TKTL2: variants seen among roughly 807,000 people sequenced by gnomAD.
TKTL2 encodes the protein transketolase like 2, also known as transketolase-like protein 2.
For missense variants in TKTL2, 825 were observed against 799.4 expected (o/e 1.03, Z -0.39); for synonymous variants, 259 against 294.1 (o/e 0.88, Z 1.22).
chr4:163,473,572 GGAA>G lies in TKTL2; in HGVS notation c.160_162del (p.Phe54del). On this transcript the variant is annotated inframe_deletion, in exon 1 of 1. Transcript: ENST00000280605. Reference sequence around the variant, plus strand: ...TCTGTCTGTTTATACTTCATCGTGTGGAAGAAGAGGACAGACACGACCTCCGCT... The same window carrying G: ...TCTGTCTGTTTATACTTCATCGTGTGGAAGAGGACAGACACGACCTCCGCT... The G allele has an allele frequency of 1.2e-6, 2 of 1,614,118 alleles. No individual in the cohort carries two copies. Among genetic ancestry groups the G allele is most frequent in the Non-Finnish European group, 8.5e-7 (1 of 1,180,012 alleles).
chr4:163,473,529 T>A lies in TKTL2; in HGVS notation c.206A>T (p.Asn69Ile), dbSNP rs1043541526. The A allele has an allele frequency of 6.2e-7, 1 of 1,612,872 alleles. No homozygotes were observed. The highest frequency in any genetic ancestry group is 1.3e-5 in the African/African-American group (1 of 74,872). ...YKQTDPEHPD[N>I]DRFILSRGHA... The stretch of plus-strand genomic sequence containing the variant: ...TCCCCTGGAGAGGATGAACCGGTCG[T>A]TGTCCGGGTGTTCTGGGTCTGTCTG... Residue 69 changes from asparagine (N) to isoleucine (I), a missense_variant, in exon 1 of 1, where the codon AAC (asparagine) becomes ATC (isoleucine). Physicochemically the swap from Asn to Ile is moderately radical, Grantham distance 149. Transcript: ENST00000280605.
At position 163,472,619 on chromosome 4, in the gene TKTL2, G is replaced by C. The variant is rs1737189738; in HGVS notation, c.1116C>G (p.Asn372Lys). Reference sequence around the variant, plus strand: ...CACAGCCTAGTGCCACACTTACCATGTTTTGTTCAGCAATAATACACTCTA... The same window carrying C: ...CACAGCCTAGTGCCACACTTACCATCTTTTGTTCAGCAATAATACACTCTA... ...RFIECIIAEQ[N>K]MVSVALGCAT... The change falls in exon 1 of 1, where the codon AAC becomes AAG. Residue 372 changes from asparagine (N) to lysine (K), a missense_variant. Coordinates refer to ENST00000280605, the MANE Select transcript of TKTL2 (RefSeq NM_032136.5). The C allele has an allele frequency of 6.2e-7, 1 of 1,614,100 alleles. No homozygotes were observed. Among genetic ancestry groups the C allele is most frequent in the Non-Finnish European group, 8.5e-7 (1 of 1,180,052 alleles).
rs1737190163 is a variant in TKTL2, at chr4:163,472,635, A to G, written c.1100T>C (p.Ile367Thr). Reference sequence around the variant, plus strand: ...ACTTACCATGTTTTGTTCAGCAATAATACACTCTATGAAACGCTCAGGGTG... The same window carrying G: ...ACTTACCATGTTTTGTTCAGCAATAGTACACTCTATGAAACGCTCAGGGTG... ...KEHPERFIEC[I>T]IAEQNMVSVA... The change falls in exon 1 of 1, where the codon ATT becomes ACT. Residue 367 changes from isoleucine to threonine, a missense_variant. Coordinates refer to ENST00000280605, the MANE Select transcript of TKTL2 (RefSeq NM_032136.5). 3.1e-6 allele frequency: 5 copies of G among 1,614,086 alleles called. No homozygotes were observed. The South Asian group carries it at 5.5e-5, about 18-fold the overall frequency.
rs1690740914 is a variant in TKTL2 at position 163,472,686 on chromosome 4, G to A, written c.1049C>T (p.Thr350Ile). ...TTCTTTCCTGAATATCTCAGAAAAG[G>A]TGGAGTTCATCGTGTCACCACTCAG... The part of the protein sequence containing the change: ...IVLSGDTMNS[T>I]FSEIFRKEHP... The change falls in exon 1 of 1, where the codon ACC (threonine) becomes ATC (isoleucine). Residue 350 changes from threonine (T) to isoleucine (I), a missense_variant. Transcript: ENST00000280605. 4 of 1,613,984 alleles carry A rather than the reference G, an allele frequency of 2.5e-6. No individual in the cohort carries two copies. The highest frequency in any genetic ancestry group is 3.4e-6 in the Non-Finnish European group (4 of 1,180,002).
Position 163,472,107 on chromosome 4 carries a change from G to C in TKTL2, c.1628C>G (p.Pro543Arg). ...GGAGATGATGGTGGCGGCATCCAGGGGTTTAATGGTAAATGGGTCGATGAC... is the reference window on the plus strand; with the variant it reads ...GGAGATGATGGTGGCGGCATCCAGGCGTTTAATGGTAAATGGGTCGATGAC... ...VRVIDPFTIK[P>R]LDAATIISSA... Residue 543 changes from proline (P) to arginine (R), a missense_variant, in exon 1 of 1, where the codon CCC (proline) becomes CGC (arginine). Coordinates refer to ENST00000280605, the MANE Select transcript of TKTL2 (RefSeq NM_032136.5). 1 of 1,614,140 alleles carries C rather than the reference G, an allele frequency of 6.2e-7. No homozygotes were observed. The highest frequency in any genetic ancestry group is 1.3e-5 in the African/African-American group (1 of 75,022).
At position 163,472,090 on chromosome 4, in the gene TKTL2, TG is replaced by T. The variant is rs1393553443; in HGVS notation, c.1644del (p.Ile549SerfsTer69). The T allele has an allele frequency of 6.2e-7, 1 of 1,614,086 alleles. No individual in the cohort carries two copies. Among genetic ancestry groups the T allele is most frequent in the Non-Finnish European group, 8.5e-7 (1 of 1,180,050 alleles). On this transcript the variant is annotated frameshift_variant, in exon 1 of 1. Coordinates refer to ENST00000280605, the MANE Select transcript of TKTL2 (RefSeq NM_032136.5). LOFTEE classifies it low-confidence loss of function (END_TRUNC). The part of the protein sequence containing the change: ...PFTIKPLDAA[T>X]IISSAKATGG... ...CCTGTGGCTTTTGCACTGGAGATGA[TG>T]GTGGCGGCATCCAGGGGTTTAATGG...
Position 163,472,129 on chromosome 4 carries a change from T to C in TKTL2, c.1606A>G (p.Ile536Val). 1 of 1,614,216 alleles carries C rather than the reference T, an allele frequency of 6.2e-7. No homozygotes were observed. The highest frequency in any genetic ancestry group is 8.5e-7 in the Non-Finnish European group (1 of 1,180,044). The change falls in exon 1 of 1, where the codon ATC becomes GTC. Residue 536 changes from isoleucine (I) to valine (V), a missense_variant. By Grantham distance (29) the Ile-to-Val change is conservative (BLOSUM62 3). Transcript: ENST00000280605. ...LSQQGISVRV[I>V]DPFTIKPLDA... ...AGGGGTTTAATGGTAAATGGGTCGATGACACGGACAGAAATACCTTGTTGA... is the reference window on the plus strand; with the variant it reads ...AGGGGTTTAATGGTAAATGGGTCGACGACACGGACAGAAATACCTTGTTGA...
chr4:163,473,234 A>C lies in TKTL2; in HGVS notation c.501T>G (p.Ala167=), dbSNP rs568591332. ...GESSEGSVWE[A]FAFASHYNLD... ...AGTTGTAGTGGGAGGCAAAAGCAAAAGCCTCCCACACAGAGCCTTCTGAGG... is the reference window on the plus strand; with the variant it reads ...AGTTGTAGTGGGAGGCAAAAGCAAACGCCTCCCACACAGAGCCTTCTGAGG... The change falls in exon 1 of 1, where the codon GCT becomes GCG. Residue 167 remains alanine, a synonymous_variant. Transcript: ENST00000280605. 4.5e-5 allele frequency: 72 copies of C among 1,613,834 alleles called. 1 individual carries two copies. In the South Asian group the frequency reaches 6.9e-4, roughly 16 times the overall value.
Position 163,473,130 on chromosome 4 carries a change from A to G in TKTL2, c.605T>C (p.Ile202Thr). The G allele has an allele frequency of 1.9e-6, 3 of 1,614,020 alleles. No individual in the cohort carries two copies. Among genetic ancestry groups the G allele is most frequent in the Non-Finnish European group, 2.5e-6 (3 of 1,180,030 alleles). The change falls in exon 1 of 1, where the codon ATC becomes ACC. Residue 202 changes from isoleucine (I) to threonine (T), a missense_variant. By Grantham distance (89) the Ile-to-Thr change is moderately conservative. Coordinates refer to ENST00000280605, the MANE Select transcript of TKTL2 (RefSeq NM_032136.5). ...AAAGGCTTCACAGCAATTCTGGTAG[A>G]TGTCTGCGCCATGCTCAAGGGGTGC... Reference protein sequence around the residue: ...GPAPLEHGADIYQNCCEAFGW... With the variant: ...GPAPLEHGADTYQNCCEAFGW...
chr4:163,473,077 G>A lies in TKTL2; in HGVS notation c.658C>T (p.His220Tyr), dbSNP rs145897938. 1,693 of 1,614,090 alleles carry A rather than the reference G, an allele frequency of 1.0e-3. 25 individuals carry two copies. The South Asian group carries it at 0.017, about 16-fold the overall frequency. Residue 220 changes from histidine to tyrosine, a missense_variant, in exon 1 of 1, where the codon CAT becomes TAT. By Grantham distance (83) the His-to-Tyr change is moderately conservative (BLOSUM62 2). Transcript: ENST00000280605. ...FGWNTYLVDG[H>Y]DVEALCQAFW... is the part of the protein sequence containing the mutation. ...GCTTGGCACAAGGCCTCCACATCATGGCCATCCACTAAGTAAGTATTCCAT... is the reference window on the plus strand; with the variant it reads ...GCTTGGCACAAGGCCTCCACATCATAGCCATCCACTAAGTAAGTATTCCAT...
rs142937505 is a variant in TKTL2 at position 163,472,640 on chromosome 4, C to T, written c.1095G>A (p.Glu365=). 3 of 1,614,200 alleles carry T rather than the reference C, an allele frequency of 1.9e-6. No individual in the cohort carries two copies. In the South Asian group the frequency reaches 3.3e-5, roughly 18 times the overall value. The change falls in exon 1 of 1, where the codon GAG becomes GAA. Residue 365 remains glutamate (E), a synonymous_variant. Coordinates refer to ENST00000280605, the MANE Select transcript of TKTL2 (RefSeq NM_032136.5). ...CCATGTTTTGTTCAGCAATAATACA[C>T]TCTATGAAACGCTCAGGGTGTTCTT... The part of the protein sequence containing the change: ...FRKEHPERFI[E]CIIAEQNMVS...
Position 163,472,868 on chromosome 4 carries a change from T to G in TKTL2, c.867A>C (p.Ile289=). Residue 289 remains isoleucine (I), a synonymous_variant, in exon 1 of 1, where the codon ATA becomes ATC. Transcript: ENST00000280605. ...ESQIQTNENL[I]PKSPVEDSPQ... The stretch of plus-strand genomic sequence containing the variant: ...GTGAGTCTTCCACAGGCGATTTTGG[T>G]ATGAGATTCTCATTGGTCTGTATCT... 6.3e-7 allele frequency: 1 copy of G among 1,591,602 alleles called. No individual in the cohort carries two copies. The highest frequency in any genetic ancestry group is 8.5e-7 in the Non-Finnish European group (1 of 1,169,944).
rs1207044627 is a variant in TKTL2 at position 163,472,758 on chromosome 4, C to T, written c.977G>A (p.Gly326Asp). The T allele has an allele frequency of 1.3e-6, 2 of 1,587,264 alleles. No individual in the cohort carries two copies. Among genetic ancestry groups the T allele is most frequent in the Non-Finnish European group, 8.6e-7 (1 of 1,167,292 alleles). ...ACGGCCCAGTTTAGCCAGAGCCAAA[C>T]CATATGTTTTCTGAGTAGCTATCTT... ...GDKIATQKTY[G>D]LALAKLGRAN... Residue 326 changes from glycine (G) to aspartate (D), a missense_variant, in exon 1 of 1, where the codon GGT becomes GAT. Coordinates refer to ENST00000280605, the MANE Select transcript of TKTL2 (RefSeq NM_032136.5).
rs1453237453 is a variant in TKTL2, at chr4:163,473,017, TA to T, written c.717del (p.Thr240LeufsTer3). ...FWQASQVKNK[P>X]TAIVAKTFKG... ...TTGAAGGTCTTGGCAACTATAGCAG[TA>T]GGCTTGTTCTTCACTTGACTTGCTT... On this transcript the variant is annotated frameshift_variant, in exon 1 of 1. Coordinates refer to ENST00000280605, the MANE Select transcript of TKTL2 (RefSeq NM_032136.5). LOFTEE classifies it low-confidence loss of function (END_TRUNC). The T allele has an allele frequency of 6.2e-7, 1 of 1,614,072 alleles. No individual in the cohort carries two copies. The highest frequency in any genetic ancestry group is 8.5e-7 in the Non-Finnish European group (1 of 1,180,048).
chr4:163,472,127 G>A lies in TKTL2; in HGVS notation c.1608C>T (p.Ile536=), dbSNP rs1440013623. ...CCAGGGGTTTAATGGTAAATGGGTC[G>A]ATGACACGGACAGAAATACCTTGTT... ...LSQQGISVRV[I]DPFTIKPLDA... The change falls in exon 1 of 1, where the codon ATC becomes ATT. Residue 536 remains isoleucine, a synonymous_variant. Coordinates refer to ENST00000280605, the MANE Select transcript of TKTL2 (RefSeq NM_032136.5). The A allele has an allele frequency of 2.5e-6, 4 of 1,614,088 alleles. No homozygotes were observed. Among genetic ancestry groups the A allele is most frequent in the Admixed American group, 1.7e-5 (1 of 60,004 alleles).
Position 163,472,794 on chromosome 4 carries a change from T to C in TKTL2, c.941A>G (p.Lys314Arg). The C allele has an allele frequency of 6.4e-7, 1 of 1,568,704 alleles. No homozygotes were observed. The highest frequency in any genetic ancestry group is 2.2e-5 in the East Asian group (1 of 44,598). Residue 314 changes from lysine to arginine, a missense_variant, in exon 1 of 1, where the codon AAA becomes AGA. By Grantham distance (26) the Lys-to-Arg change is conservative. Transcript: ENST00000280605. Reference protein sequence around the residue: ...DIKMTSPPAYKVGDKIATQKT... With the variant: ...DIKMTSPPAYRVGDKIATQKT... ...CTGAGTAGCTATCTTGTCACCAACT[T>C]TGTAAGCAGGTGGGGAGGTCATTTT...
In TKTL2 at chr4:163,472,158, A is replaced by G. The variant is rs754727325; in HGVS notation, c.1577T>C (p.Leu526Pro). The change falls in exon 1 of 1, where the codon CTT becomes CCT. Residue 526 changes from leucine to proline, a missense_variant. By Grantham distance (98) the Leu-to-Pro change is moderately conservative (BLOSUM62 -3). Transcript: ENST00000280605. ...LHEALEAADH[L>P]SQQGISVRVI... ...ACGGACAGAAATACCTTGTTGAGAA[A>G]GATGGTCAGCAGCTTCTAAGGCTTC... The G allele has an allele frequency of 2.5e-6, 4 of 1,614,228 alleles. No homozygotes were observed. The South Asian group carries it at 4.4e-5, about 18-fold the overall frequency.
rs1737192964 is a variant in TKTL2, at chr4:163,472,753, C to T, written c.982G>A (p.Ala328Thr). 6.3e-7 allele frequency: 1 copy of T among 1,591,732 alleles called. No individual in the cohort carries two copies. The highest frequency in any genetic ancestry group is 1.3e-5 in the African/African-American group (1 of 74,372). Reference sequence around the variant, plus strand: ...TTTGCACGGCCCAGTTTAGCCAGAGCCAAACCATATGTTTTCTGAGTAGCT... The same window carrying T: ...TTTGCACGGCCCAGTTTAGCCAGAGTCAAACCATATGTTTTCTGAGTAGCT... ...KIATQKTYGL[A>T]LAKLGRANER... The change falls in exon 1 of 1, where the codon GCT (alanine) becomes ACT (threonine). Residue 328 changes from alanine (A) to threonine (T), a missense_variant. Transcript: ENST00000280605.
rs1204673166 is a variant in TKTL2, at chr4:163,472,964, A to G, written c.771T>C (p.Asp257=). The G allele has an allele frequency of 1.7e-5, 27 of 1,613,980 alleles. No homozygotes were observed. The highest frequency in any genetic ancestry group is 2.2e-5 in the Non-Finnish European group (26 of 1,180,032). ...CTGGCTTTCCATGCCAATTTTCTGCATCCTCAATATTTGGAATACCCCGAC... is the reference window on the plus strand; with the variant it reads ...CTGGCTTTCCATGCCAATTTTCTGCGTCCTCAATATTTGGAATACCCCGAC... ...FKGRGIPNIE[D]AENWHGKPVP... is the part of the protein sequence containing the mutation. The change falls in exon 1 of 1, where the codon GAT becomes GAC. Residue 257 remains aspartate, a synonymous_variant. Transcript: ENST00000280605.
Sources: allele counts gnomAD v4.1 joint callset, GRCh38; gene constraint gnomAD v4.1.1; transcripts MANE v1.5; gene names NCBI Gene and HGNC (gene_info 2026-07-23, HGNC 2026-07-21).